The following ETFDH variants were observed in gnomAD, a reference collection of about 807,000 sequenced individuals.
ETFDH encodes the protein electron transfer flavoprotein-ubiquinone oxidoreductase, mitochondrial.
ETFDH carries 61 observed loss-of-function variants against 73.2 expected under a neutral mutation model. The ratio of observed to expected loss-of-function variants is 0.83; its 90% CI spans 0.68 to 1.03. The LOEUF (loss-of-function observed/expected upper bound fraction) is 1.03. Ranked by LOEUF, ETFDH falls within the 50% of genes least tolerant of loss-of-function variation. The pLI is 0.00. For missense variants in ETFDH, 685 were observed against 745.0 expected, an observed-to-expected ratio of 0.92 and a Z score of 0.94; for synonymous variants, 243 against 253.3, an observed-to-expected ratio of 0.96 and a Z score of 0.39.
intron 1 of ETFDH, among the ~76,000 whole-genome samples, chr4:158,675,966 A>G (rs115161193): frequency 0.012 from 1,773 of 152,276 alleles, 26 homozygotes; most frequent in African/African-American, 0.038. Flanking sequence ...GAAGGTTCCA[A>G]TTTTTCCACA....
At chr4:158,685,738 T>A (rs1279668043) in intron 5 of ETFDH, among the ~76,000 whole-genome samples, 9 of 152,202 alleles carry the variant, frequency 5.9e-5, no homozygotes, top group Admixed American at 5.9e-4. Context: ...TTATTTAACA[T>A]GCATAAGCAC....
Position 158,672,486 on chromosome 4 carries a change from C to T in ETFDH, c.30C>T (p.Cys10=). 1 of 1,614,092 alleles carries T rather than the reference C, an allele frequency of 6.2e-7. No homozygotes were observed. The highest frequency in any genetic ancestry group is 1.3e-5 in the African/African-American group (1 of 75,038). The change falls in exon 1 of 13, where the codon TGC becomes TGT. Residue 10 remains cysteine, a synonymous_variant. Coordinates refer to ENST00000511912, the MANE Select transcript of ETFDH (RefSeq NM_004453.4). MLVPLAKLS[C]LAYQCFHALK... ...TGGTGCCGCTAGCCAAGCTGTCCTG[C>T]CTGGGTGAGAGGAAACGGGCGGTGG...
At chr4:158,700,189 A>G (rs968815283) in intron 9 of ETFDH, among the ~76,000 whole-genome samples, 8 of 152,132 alleles carry the variant, frequency 5.3e-5, no homozygotes, top group Admixed American at 5.2e-4. Flanking sequence ...TATTACTGTA[A>G]TAGTATTTCA....
chr4:158,678,839 T>C (rs1290460529), intron 1 of ETFDH, among the ~76,000 whole-genome samples: 1 of 152,004 alleles, frequency 6.6e-6, no homozygotes, highest in African/African-American at 2.4e-5. Flanking sequence ...ATTTTTTATT[T>C]CTGTAGAGAA....
intron 10 of ETFDH, among the ~76,000 whole-genome samples, chr4:158,704,766 C>G (rs1774562991): frequency 6.6e-6 from 1 of 152,152 alleles, no homozygotes; most frequent in African/African-American, 2.4e-5. Context: ...GTAAATGTTC[C>G]TCTAGTTAGA....
At chr4:158,703,923 C>A (rs750159876) in intron 10 of ETFDH, among the ~76,000 whole-genome samples, 4 of 152,128 alleles carry the variant, frequency 2.6e-5, no homozygotes, top group Admixed American at 1.3e-4. Flanking sequence ...ATGGTGAAAC[C>A]CCGTCTCTAC....
In ETFDH at chr4:158,677,545, T is replaced by C. The variant is rs545318585; in HGVS notation, c.35-2922T>C. On this transcript the variant is annotated intron_variant, in intron 1 of 12. Transcript: ENST00000511912. ...ATTCTCCACAGAATGTAAATGTTCC[T>C]CACAAGAGACAGCTTTGCAGGGCCA... Among the ~76,000 whole-genome samples, 5 of 152,350 alleles carry C rather than the reference T, an allele frequency of 3.3e-5. No individual in the cohort carries two copies. The East Asian group carries it at 9.6e-4, about 29-fold the overall frequency.
intron 12 of ETFDH, 39 bp downstream of exon 12, chr4:158,706,889 C>A: frequency 1.5e-6 from 2 of 1,310,830 alleles, no homozygotes; most frequent in Non-Finnish European, 2.2e-6. Flanking sequence ...TTGCTTTAAA[C>A]ATTTTAGGAA....
chr4:158,704,578 C>T (rs946488916), intron 10 of ETFDH, among the ~76,000 whole-genome samples: 2 of 152,186 alleles, frequency 1.3e-5, no homozygotes, highest in South Asian at 2.1e-4. Context: ...CCTTTTCTAG[C>T]GCATTTTCCA....
intron 12 of ETFDH, among the ~76,000 whole-genome samples, chr4:158,707,839 G>GTATC (rs1774671292): frequency 6.6e-6 from 1 of 152,100 alleles, no homozygotes; most frequent in South Asian, 2.1e-4. Context: ...TGGTAAGACT[G>GTATC]TATCTTCTGT....
chr4:158,680,562 A>G lies in ETFDH; in HGVS notation c.130A>G (p.Thr44Ala). ...SSTSTVPRIT[T>A]HYTIYPRDKD... ...AACTTCTACTGTGCCTCGAATTACT[A>G]CCCATTATACTATTTATCCCCGGGA... The change falls in exon 2 of 13, where the codon ACC becomes GCC. Residue 44 changes from threonine to alanine, a missense_variant. This residue lies in a region of ETFDH where 405 missense variants were observed against 399.3 expected (regional missense o/e 1.01). Transcript: ENST00000511912. The G allele has an allele frequency of 1.9e-6, 3 of 1,608,578 alleles. No homozygotes were observed. Among genetic ancestry groups the G allele is most frequent in the Non-Finnish European group, 2.6e-6 (3 of 1,175,064 alleles).
At chr4:158,693,398 G>T (rs1201436315) in intron 6 of ETFDH, among the ~76,000 whole-genome samples, 1 of 152,146 alleles carries the variant, frequency 6.6e-6, no homozygotes, top group African/African-American at 2.4e-5. Context: ...CTTGGCTGGG[G>T]TCAGACACCT....
intron 1 of ETFDH, among the ~76,000 whole-genome samples, chr4:158,673,921 C>T (rs2150301377): frequency 6.6e-6 from 1 of 152,310 alleles, no homozygotes; most frequent in South Asian, 2.1e-4. Flanking sequence ...CTCTTCTCAA[C>T]CACGGAGACT....
chr4:158,696,798 A>G (rs1447519170), intron 7 of ETFDH, among the ~76,000 whole-genome samples: 1 of 152,212 alleles, frequency 6.6e-6, no homozygotes, highest in East Asian at 1.9e-4. Context: ...CATGTCCATT[A>G]TGAAGAGACC....
rs115292487 is a variant in ETFDH, at chr4:158,677,243, A to G, written c.35-3224A>G. On this transcript the variant is annotated intron_variant, in intron 1 of 12. Transcript: ENST00000511912. ...TACAGCCTCAGGAGGTCCTGAGAAC[A>G]TGTATCCAAGGTGGCTGGGTTACAG... is the stretch of plus-strand genomic sequence containing the variant. Among the ~76,000 whole-genome samples the G allele has an allele frequency of 2.5e-3, 388 of 152,356 alleles. 1 individual carries two copies. Among genetic ancestry groups the G allele is most frequent in the African/African-American group, 9.0e-3 (373 of 41,576 alleles).
At position 158,681,935 on chromosome 4, in the gene ETFDH, T is replaced by G. The variant is rs766001150; in HGVS notation, c.176-260T>G. 10 of 485,166 alleles carry G rather than the reference T, an allele frequency of 2.1e-5. No individual in the cohort carries two copies. In the East Asian group the frequency reaches 3.6e-4, roughly 17 times the overall value. 30.1% of individuals were successfully genotyped at this position (485,166 alleles called of 1,614,324 possible). ...GACTTGTGACTGTATTTTACACAAG[T>G]AAATATTTGCTAAATGTATAATAAT... On this transcript the variant is annotated intron_variant, in intron 2 of 12. Transcript: ENST00000511912.
chr4:158,698,775 T>TA (rs1183787449), intron 8 of ETFDH, among the ~76,000 whole-genome samples: 17 of 152,204 alleles, frequency 1.1e-4, no homozygotes, highest in Non-Finnish European at 1.9e-4. Context: ...TTGATGATAA[T>TA]AAACACATGC....
chr4:158,707,325 A>T (rs1656773923), intron 12 of ETFDH, among the ~76,000 whole-genome samples: 1 of 152,236 alleles, frequency 6.6e-6, no homozygotes, highest in South Asian at 2.1e-4. Context: ...AGAACAAAAT[A>T]GTATTCCGAT....
At chr4:158,681,061 A>G (rs1259713918) in intron 2 of ETFDH, among the ~76,000 whole-genome samples, 1 of 152,106 alleles carries the variant, frequency 6.6e-6, no homozygotes, top group Admixed American at 6.5e-5. Context: ...AATTTTTTTA[A>G]AAAGTTAACT....
Sources: gnomAD v4.1 joint callset for allele counts (sites outside exome capture counted in the v4.1 genomes callset) on GRCh38, gnomAD v4.1.1 for gene constraint, gnomAD v4.1.1 regional missense constraint, MANE v1.5 for transcripts, NCBI Gene and HGNC (gene_info 2026-07-23, HGNC 2026-07-21) for gene names.